RBFOX1: variants seen among roughly 807,000 people sequenced by gnomAD.
RBFOX1 encodes RNA binding protein fox-1 homolog 1.
A neutral mutation model predicts 57.7 loss-of-function variants in RBFOX1; 8 were observed. The observed-to-expected ratio is 0.14, with a 90% CI of 0.08 to 0.25. The LOEUF is 0.25. Among genes scored for constraint, RBFOX1 ranks in the 10% least tolerant of loss-of-function variants. The pLI, the probability that RBFOX1 is intolerant of heterozygous loss-of-function variation, is 1.00. For missense variants in RBFOX1, 611 were observed against 548.5 expected (o/e 1.11, Z -1.14); for synonymous variants, 326 against 222.4 (o/e 1.47, Z -4.15).
At chr16:7,679,654 T>G (rs8043729) in intron 14 of RBFOX1, among the ~76,000 whole-genome samples, 1 of 151,748 alleles carries the variant, frequency 6.6e-6, no homozygotes. Context: ...GATTCAGGGA[T>G]CTTTGAAAAA....
chr16:6,764,602 A>C (rs2077068600), intron 3 of RBFOX1, among the ~76,000 whole-genome samples: 1 of 152,196 alleles, frequency 6.6e-6, no homozygotes, highest in Non-Finnish European at 1.5e-5. Context: ...ACTAGGGAGA[A>C]AAAAGAGTAA....
chr16:6,618,927 G>A (rs749458933), intron 2 of RBFOX1, among the ~76,000 whole-genome samples: 3 of 152,156 alleles, frequency 2.0e-5, no homozygotes, highest in Admixed American at 6.5e-5. Context: ...TAAAAACAGA[G>A]TCATAGGGTG....
intron 2 of RBFOX1, among the ~76,000 whole-genome samples, chr16:6,376,945 C>G (rs201667157): frequency 6.6e-6 from 1 of 151,290 alleles, no homozygotes. Context: ...CTGTGTTTTT[C>G]TCTGTCTCCA....
chr16:5,938,743 C>A (rs954449092), intron 4 of RBFOX1, among the ~76,000 whole-genome samples: 25 of 152,144 alleles, frequency 1.6e-4, no homozygotes, highest in African/African-American at 6.0e-4. Flanking sequence ...TCACAACCTC[C>A]ATAAACAGTC....
chr16:5,936,180 G>A (rs917893258), intron 4 of RBFOX1, among the ~76,000 whole-genome samples: 4 of 152,268 alleles, frequency 2.6e-5, no homozygotes, highest in East Asian at 1.9e-4. Flanking sequence ...CTGGAGTGCC[G>A]TGGCGTGATC....
intron 4 of RBFOX1, among the ~76,000 whole-genome samples, chr16:7,454,232 C>T (rs1567247722): frequency 1.3e-5 from 2 of 152,110 alleles, no homozygotes; most frequent in South Asian, 2.1e-4. Flanking sequence ...GACTCCGTCC[C>T]CCACCAACCC....
rs369122393 is a variant in RBFOX1 at position 7,710,683 on chromosome 16, G to A, written c.1132G>A (p.Val378Ile). Reference protein sequence around the residue: ...TRSHADDVGLVLSSLQASIYR... With the variant: ...TRSHADDVGLILSSLQASIYR... ...GAGCCATGCTGATGATGTGGGTCTCGTTCTTTCTTCATTGCAGGCTAGTAT... is the reference window on the plus strand; with the variant it reads ...GAGCCATGCTGATGATGTGGGTCTCATTCTTTCTTCATTGCAGGCTAGTAT... The change falls in exon 16 of 16, where the codon GTT (valine) becomes ATT (isoleucine). Residue 378 changes from valine (V) to isoleucine (I), a missense_variant. By Grantham distance (29) the Val-to-Ile change is conservative. Transcript: ENST00000550418. 1.4e-5 allele frequency: 23 copies of A among 1,613,220 alleles called. No individual in the cohort carries two copies. The highest frequency in any genetic ancestry group is 1.7e-5 in the Admixed American group (1 of 59,908).
At chr16:6,331,889 C>G (rs2083080929) in intron 2 of RBFOX1, among the ~76,000 whole-genome samples, 1 of 152,034 alleles carries the variant, frequency 6.6e-6, no homozygotes, top group Admixed American at 6.6e-5. Context: ...CCTTGGCTGC[C>G]ATCTTCCATC....
intron 1 of RBFOX1, among the ~76,000 whole-genome samples, chr16:6,118,611 C>T (rs142766573): frequency 1.3e-5 from 2 of 151,842 alleles, no homozygotes; most frequent in Non-Finnish European, 2.9e-5. Flanking sequence ...CTCTGTCTCT[C>T]TTGCTCTCCT....
At chr16:5,958,200 G>T (rs779215161) in intron 4 of RBFOX1, among the ~76,000 whole-genome samples, 1 of 152,200 alleles carries the variant, frequency 6.6e-6, no homozygotes, top group Non-Finnish European at 1.5e-5. Context: ...TATCAAAGGG[G>T]TGCTATAAAT....
intron 3 of RBFOX1, among the ~76,000 whole-genome samples, chr16:5,826,329 C>T (rs923615427): frequency 2.1e-4 from 32 of 152,254 alleles, no homozygotes; most frequent in African/African-American, 7.2e-4. Context: ...GTTGTATTAG[C>T]AGTACCTGTG....
chr16:6,695,977 A>G (rs1475768629), intron 3 of RBFOX1, among the ~76,000 whole-genome samples: 1 of 152,212 alleles, frequency 6.6e-6, no homozygotes, highest in African/African-American at 2.4e-5. Context: ...AAAGAGATGT[A>G]CAGACATACA....
At chr16:7,017,065 A>C (rs957647660) in intron 3 of RBFOX1, among the ~76,000 whole-genome samples, 1 of 151,782 alleles carries the variant, frequency 6.6e-6, no homozygotes, top group African/African-American at 2.4e-5. Context: ...TTATTGTTCC[A>C]TGTTGCTGTG....
At chr16:5,575,771 T>G (rs1261721373) in intron 2 of RBFOX1, among the ~76,000 whole-genome samples, 3 of 152,166 alleles carry the variant, frequency 2.0e-5, no homozygotes, top group African/African-American at 7.2e-5. Context: ...CTATCTTTAT[T>G]TGACATAAAA....
chr16:5,809,094 T>C lies in RBFOX1; in HGVS notation c.319-58209T>C, dbSNP rs530544064. On this transcript the variant is annotated intron_variant, in intron 3 of 19. Coordinates refer to the RBFOX1 transcript ENST00000641259. Reference sequence around the variant, plus strand: ...GGGAAAGGATTCCCTACTTAATAAATGGTGGTGGGAAAACTGGCTAGCCAC... The same window carrying C: ...GGGAAAGGATTCCCTACTTAATAAACGGTGGTGGGAAAACTGGCTAGCCAC... Among the ~76,000 whole-genome samples the C allele has an allele frequency of 6.8e-4, 103 of 152,250 alleles. 1 individual carries two copies. The highest frequency in any genetic ancestry group is 2.2e-3 in the African/African-American group (93 of 41,546).
At chr16:5,253,805 G>C (rs1356935904) in intron 1 of RBFOX1, among the ~76,000 whole-genome samples, 1 of 152,178 alleles carries the variant, frequency 6.6e-6, no homozygotes, top group Non-Finnish European at 1.5e-5. Context: ...TCCTGCCACA[G>C]GGCCTTTGCA....
chr16:6,901,284 C>G (rs191467962), intron 3 of RBFOX1, among the ~76,000 whole-genome samples: 64 of 152,310 alleles, frequency 4.2e-4, no homozygotes, highest in African/African-American at 1.4e-3. Context: ...CTGTCTAAGC[C>G]CATCCCTCTC....
chr16:7,353,820 C>T (rs551408652), intron 4 of RBFOX1, among the ~76,000 whole-genome samples: 214 of 152,170 alleles, frequency 1.4e-3, no homozygotes, highest in African/African-American at 4.9e-3. Context: ...GTATGGGAAG[C>T]GATCCTTTTA....
chr16:5,776,936 C>T (rs79654624), intron 3 of RBFOX1, among the ~76,000 whole-genome samples: 5,556 of 152,176 alleles, frequency 0.037, 316 homozygotes, highest in African/African-American at 0.12. Flanking sequence ...CTTAAGATGA[C>T]TCTGGAATTG....
Sources: gnomAD v4.1 joint callset for allele counts (sites outside exome capture counted in the v4.1 genomes callset) on GRCh38, gnomAD v4.1.1 for gene constraint, MANE v1.5 for transcripts, NCBI Gene and HGNC (gene_info 2026-07-23, HGNC 2026-07-21) for gene names.